The following EXOC2 variants were observed in gnomAD, a reference collection of about 807,000 sequenced individuals.
The protein encoded by EXOC2 is SEC5-like 1.
A neutral mutation model predicts 131.8 loss-of-function variants in EXOC2; 70 were observed. That is an observed-to-expected ratio of 0.53 (90% confidence interval 0.44 to 0.65). EXOC2 has a LOEUF of 0.65. Ranked by LOEUF, EXOC2 falls within the 30% of genes least tolerant of loss-of-function variation. The pLI is 0.00. For synonymous variants in EXOC2, 411 were observed against 398.4 expected (o/e 1.03, Z -0.38); for missense variants, 923 against 1,108.6 (o/e 0.83, Z 2.38).
At chr6:593,608 A>G (rs1759662098) in intron 10 of EXOC2, among the ~76,000 whole-genome samples, 1 of 152,238 alleles carries the variant, frequency 6.6e-6, no homozygotes, top group South Asian at 2.1e-4. Context: ...CCCTCACAAA[A>G]TATATAAATA....
rs535510935 is a variant in EXOC2, at chr6:528,933, G to A, written c.2380+3536C>T. Among the ~76,000 whole-genome samples the A allele has an allele frequency of 1.1e-4, 16 of 152,158 alleles. 1 individual carries two copies. Among genetic ancestry groups the A allele is most frequent in the African/African-American group, 3.9e-4 (16 of 41,392 alleles). ...AAATTCCAAGTGGTGGTAACTAGCT[G>A]GATGCAGAAGAACCCTAAGATAAAT... On this transcript the variant is annotated intron_variant, in intron 23 of 27. Coordinates refer to ENST00000230449, the MANE Select transcript of EXOC2 (RefSeq NM_018303.6).
At chr6:503,833 G>C (rs1256637939) in intron 23 of EXOC2, among the ~76,000 whole-genome samples, 1 of 152,134 alleles carries the variant, frequency 6.6e-6, no homozygotes, top group Non-Finnish European at 1.5e-5. Flanking sequence ...CTGGCCTAGG[G>C]AGAGACCAGC....
At chr6:593,594 T>C (rs976587854) in intron 10 of EXOC2, among the ~76,000 whole-genome samples, 6 of 152,260 alleles carry the variant, frequency 3.9e-5, no homozygotes, top group African/African-American at 1.2e-4. Context: ...GATTTGGCCC[T>C]CAGCCCTCAC....
At chr6:640,246 T>G (rs76129839) in intron 1 of EXOC2, among the ~76,000 whole-genome samples, 3,694 of 152,290 alleles carry the variant, frequency 0.024, 167 homozygotes, top group African/African-American at 0.084. Context: ...ATAAACAGCC[T>G]CATTCTGTGC....
chr6:538,793 G>A (rs1356722761), intron 22 of EXOC2, among the ~76,000 whole-genome samples: 1 of 152,202 alleles, frequency 6.6e-6, no homozygotes, highest in Non-Finnish European at 1.5e-5. Flanking sequence ...AAAATATCTG[G>A]CCGGGCACAG....
intron 22 of EXOC2, among the ~76,000 whole-genome samples, chr6:538,090 A>G (rs888118398): frequency 6.6e-6 from 1 of 152,224 alleles, no homozygotes; most frequent in African/African-American, 2.4e-5. Flanking sequence ...AGAGGAGTTG[A>G]AAATAAATAG....
chr6:598,815 T>C lies in EXOC2; in HGVS notation c.970+45A>G. 7 of 1,478,384 alleles carry C rather than the reference T, an allele frequency of 4.7e-6. No individual in the cohort carries two copies. The South Asian group carries it at 6.0e-5, about 13-fold the overall frequency. 91.6% of individuals were successfully genotyped at this position (1,478,384 alleles called of 1,614,324 possible). A position where few individuals can be genotyped will look rare whatever the true frequency, so the allele number is the denominator to read the frequency against. On this transcript the variant is annotated intron_variant, in intron 9 of 27. Coordinates refer to ENST00000230449, the MANE Select transcript of EXOC2 (RefSeq NM_018303.6). ...TGCAGAACACATTCCACATTCTTCC[T>C]ATAAAAGGAAAGGAGAAGATCTAAA...
At position 532,621 on chromosome 6, in the gene EXOC2, A is replaced by G. The variant is rs769559756; in HGVS notation, c.2239-11T>C. On this transcript the variant is annotated splice_polypyrimidine_tract_variant and intron_variant, in intron 22 of 27. Coordinates refer to ENST00000230449, the MANE Select transcript of EXOC2 (RefSeq NM_018303.6). ...TGAGGCCATGCTAACCTATAAACAC[A>G]TAATGAAGAGTATGAGTTGCCTATT... 7 of 1,506,142 alleles carry G rather than the reference A, an allele frequency of 4.6e-6. No individual in the cohort carries two copies. The highest frequency in any genetic ancestry group is 4.3e-5 in the African/African-American group (3 of 70,306). The allele number at this position is 1,506,142 out of a possible 1,614,324, so 93.3% of individuals were successfully genotyped here.
chr6:677,677 C>G (rs1204340858), intron 1 of EXOC2, among the ~76,000 whole-genome samples: 1 of 152,058 alleles, frequency 6.6e-6, no homozygotes, highest in Admixed American at 6.6e-5. Context: ...CCATGTTGGT[C>G]GGGCTGGTCT....
chr6:509,725 C>T (rs1764744159), intron 23 of EXOC2, among the ~76,000 whole-genome samples: 1 of 152,242 alleles, frequency 6.6e-6, no homozygotes, highest in African/African-American at 2.4e-5. Flanking sequence ...AGAATGCAAA[C>T]TTTTCCATGA....
chr6:557,617 CAAAAAAAA>C (rs59474432), intron 17 of EXOC2, among the ~76,000 whole-genome samples: 1 of 111,194 alleles, frequency 9.0e-6, no homozygotes, highest in African/African-American at 3.8e-5. Flanking sequence ...GACTTCATCT[CAAAAAAAA>C]AAAAAAAAAA....
At chr6:606,424 AAAAG>A (rs1760416290) in intron 7 of EXOC2, among the ~76,000 whole-genome samples, 1 of 152,126 alleles carries the variant, frequency 6.6e-6, no homozygotes, top group Middle Eastern at 3.2e-3. Context: ...AATAATAAAA[AAAAG>A]AATCTCCACA....
At chr6:521,511 A>G (rs1283598957) in intron 23 of EXOC2, among the ~76,000 whole-genome samples, 2 of 151,932 alleles carry the variant, frequency 1.3e-5, no homozygotes, top group African/African-American at 2.4e-5. Context: ...GTGTTACAGT[A>G]TTTTATAGCA....
At position 610,123 on chromosome 6, in the gene EXOC2, C is replaced by A. The variant is rs773603192; in HGVS notation, c.717G>T (p.Thr239=). The A allele has an allele frequency of 2.5e-6, 4 of 1,613,826 alleles. No homozygotes were observed. Among genetic ancestry groups the A allele is most frequent in the African/African-American group, 2.7e-5 (2 of 74,878 alleles). Residue 239 remains threonine, a synonymous_variant, in exon 7 of 28, where the codon ACG becomes ACT. Transcript: ENST00000230449. ...DGTEKVEGSM[T]QKLENVLNRA... ...TGTTCAGAACATTCTCCAGTTTCTG[C>A]GTCATGGATCCTTCTACTTTTTCCG...
intron 1 of EXOC2, among the ~76,000 whole-genome samples, chr6:685,926 C>T (rs1211142062): frequency 7.8e-6 from 1 of 128,970 alleles, no homozygotes; most frequent in Non-Finnish European, 1.6e-5. Context: ...CCAGGTTGGA[C>T]TGAACAGGTA....
intron 11 of EXOC2, among the ~76,000 whole-genome samples, chr6:585,962 T>C (rs529812989): frequency 1.6e-4 from 25 of 152,342 alleles, no homozygotes; most frequent in African/African-American, 5.8e-4. Flanking sequence ...TTTCTTTATA[T>C]TGGAATGTAG....
chr6:614,318 G>A (rs1033777513), intron 6 of EXOC2, among the ~76,000 whole-genome samples: 20 of 152,202 alleles, frequency 1.3e-4, no homozygotes, highest in African/African-American at 4.3e-4. Context: ...TACAGACTCC[G>A]GATCTGGACA....
intron 1 of EXOC2, among the ~76,000 whole-genome samples, chr6:659,339 C>T (rs1763307071): frequency 6.6e-6 from 1 of 152,194 alleles, no homozygotes; most frequent in Non-Finnish European, 1.5e-5. Flanking sequence ...TCATTAGCGC[C>T]CCCAAGAGTC....
intron 13 of EXOC2, 50 bp from the exon 14 acceptor site, chr6:564,979 TAAG>T (rs1290521921): frequency 3.5e-6 from 5 of 1,445,594 alleles, no homozygotes; most frequent in Non-Finnish European, 3.7e-6. Flanking sequence ...AATTTAAAAA[TAAG>T]AAATGCTTTA....
Sources: allele counts gnomAD v4.1 joint callset (sites outside exome capture counted in the v4.1 genomes callset), GRCh38; gene constraint gnomAD v4.1.1; transcripts MANE v1.5; gene names NCBI Gene and HGNC (gene_info 2026-07-23, HGNC 2026-07-21).